WDR72: variants seen among roughly 807,000 people sequenced by gnomAD.
WDR72 encodes WD repeat-containing protein 72.
WDR72 carries 120 observed loss-of-function variants against 124.2 expected under a neutral mutation model. That is an observed-to-expected ratio of 0.97 (90% CI 0.83 to 1.12). WDR72 has a LOEUF of 1.12. Ranked by LOEUF, WDR72 falls within the 50% of genes most tolerant of loss-of-function variation. WDR72 has a pLI of 0.00. For missense variants in WDR72, 1,387 were observed against 1,278.8 expected (o/e 1.08, Z -1.29); for synonymous variants, 452 against 441.7 (o/e 1.02, Z -0.29).
chr15:53,556,524 A>C (rs1032089719), intron 18 of WDR72, among the ~76,000 whole-genome samples: 1 of 152,126 alleles, frequency 6.6e-6, no homozygotes, highest in Non-Finnish European at 1.5e-5. Flanking sequence ...TGTCACCCAT[A>C]TCACCCAAAT....
At chr15:53,573,713 T>A (rs1162302353) in intron 18 of WDR72, among the ~76,000 whole-genome samples, 1 of 152,150 alleles carries the variant, frequency 6.6e-6, no homozygotes, top group East Asian at 1.9e-4. Flanking sequence ...ACCTAGCTAA[T>A]TTTTGTATTT....
At chr15:53,596,873 C>G (rs2140339152) in intron 18 of WDR72, among the ~76,000 whole-genome samples, 1 of 152,258 alleles carries the variant, frequency 6.6e-6, no homozygotes, top group South Asian at 2.1e-4. Context: ...GGTGTTACTT[C>G]TGGATAAACC....
At chr15:53,575,095 T>C (rs1894702141) in intron 18 of WDR72, among the ~76,000 whole-genome samples, 1 of 152,094 alleles carries the variant, frequency 6.6e-6, no homozygotes, top group African/African-American at 2.4e-5. Context: ...GCATATATTA[T>C]GTGTTTTGAT....
intron 14 of WDR72, among the ~76,000 whole-genome samples, chr15:53,660,245 A>G (rs2015564800): frequency 6.6e-6 from 1 of 152,092 alleles, no homozygotes; most frequent in African/African-American, 2.4e-5. Context: ...CAAGTTTAAT[A>G]TTAAAATAAA....
chr15:53,642,340 C>T (rs1259657031), intron 14 of WDR72, among the ~76,000 whole-genome samples: 1 of 151,686 alleles, frequency 6.6e-6, no homozygotes, highest in Admixed American at 6.6e-5. Context: ...TGTACTGATA[C>T]TGAAAGATGT....
At chr15:53,685,099 C>A (rs1290599980) in intron 13 of WDR72, among the ~76,000 whole-genome samples, 1 of 151,658 alleles carries the variant, frequency 6.6e-6, no homozygotes, top group Non-Finnish European at 1.5e-5. Context: ...GATAAAACCA[C>A]AAAGATGGAG....
intron 19 of WDR72, among the ~76,000 whole-genome samples, chr15:53,518,465 A>T (rs1891588338): frequency 6.6e-6 from 1 of 152,072 alleles, no homozygotes; most frequent in Admixed American, 6.6e-5. Flanking sequence ...TCTTTAAAAA[A>T]TATGTTGATG....
At chr15:53,617,864 T>C (rs554129355) in intron 14 of WDR72, among the ~76,000 whole-genome samples, 2 of 152,108 alleles carry the variant, frequency 1.3e-5, no homozygotes, top group African/African-American at 4.8e-5. Flanking sequence ...GGTTTAAGGA[T>C]ACCTTCATAA....
rs1184375343 is a variant in WDR72, at chr15:53,516,255, T to G, written c.*1444A>C. The G allele has an allele frequency of 6.6e-6, 1 of 152,144 alleles. No individual in the cohort carries two copies. Among genetic ancestry groups the G allele is most frequent in the Admixed American group, 6.6e-5 (1 of 15,264 alleles). The allele number at this position is 152,144 out of a possible 1,614,324, so 9.4% of individuals were successfully genotyped here. A position where few individuals can be genotyped will look rare whatever the true frequency, so the allele number is the denominator to read the frequency against. On this transcript the variant is annotated 3_prime_UTR_variant, in exon 20 of 20. Transcript: ENST00000360509. ...ACAAAGAATGCACACTTTAATCTAC[T>G]TTAAGGGAGTCACACTCATTTGACA...
intron 1 of WDR72, among the ~76,000 whole-genome samples, chr15:53,743,278 T>C (rs746065144): frequency 7.2e-5 from 11 of 152,118 alleles, no homozygotes; most frequent in Admixed American, 5.9e-4. Context: ...GTTTAATTTA[T>C]AGAGTTTAAT....
chr15:53,734,115 A>G lies in WDR72; in HGVS notation c.-12-954T>C, dbSNP rs74984080. On this transcript the variant is annotated intron_variant, in intron 1 of 19. Coordinates refer to ENST00000360509, the MANE Select transcript of WDR72 (RefSeq NM_182758.4). Reference sequence around the variant, plus strand: ...ATACCAATATAAATTTTTAAAACTTATGATACATGTTATTTCTAATGTTCA... The same window carrying G: ...ATACCAATATAAATTTTTAAAACTTGTGATACATGTTATTTCTAATGTTCA... Among the ~76,000 whole-genome samples the G allele has an allele frequency of 2.4e-3, 361 of 152,284 alleles. 1 individual carries two copies. The highest frequency in any genetic ancestry group is 8.5e-3 in the African/African-American group (355 of 41,572).
chr15:53,672,312 T>TTA (rs35307524), intron 13 of WDR72, among the ~76,000 whole-genome samples: 2 of 136,470 alleles, frequency 1.5e-5, no homozygotes, highest in African/African-American at 5.4e-5. Context: ...AAATGCCGAT[T>TTA]AAAAAAAAAA....
intron 18 of WDR72, among the ~76,000 whole-genome samples, chr15:53,565,589 A>G (rs928407523): frequency 1.3e-5 from 2 of 152,074 alleles, no homozygotes; most frequent in South Asian, 2.1e-4. Flanking sequence ...TATTGAGCAC[A>G]TCTCCTACTT....
At chr15:53,736,517 C>T (rs2018358791) in intron 1 of WDR72, among the ~76,000 whole-genome samples, 2 of 152,242 alleles carry the variant, frequency 1.3e-5, no homozygotes, top group East Asian at 1.9e-4. Context: ...AGTGGCCCTG[C>T]TGTGAGGGGC....
chr15:53,706,346 GTGTGTATATATA>G (rs1481617904), intron 9 of WDR72, among the ~76,000 whole-genome samples: 44 of 98,072 alleles, frequency 4.5e-4, no homozygotes, highest in Admixed American at 8.3e-4. Flanking sequence ...GTGTGTGTGT[GTGTGTATATATA>G]TATATATATA....
chr15:53,759,854 C>G (rs1283353586), upstream of WDR72, among the ~76,000 whole-genome samples: 1 of 151,966 alleles, frequency 6.6e-6, no homozygotes, highest in East Asian at 1.9e-4. Flanking sequence ...CCCTCCCTCC[C>G]TCCTTCTCTC....
rs141529685 is a variant in WDR72 at position 53,619,141 on chromosome 15, C to A, written c.1963-2898G>T. Among the ~76,000 whole-genome samples the A allele has an allele frequency of 9.9e-5, 15 of 151,824 alleles. No homozygotes were observed. The East Asian group carries it at 2.1e-3, about 22-fold the overall frequency. On this transcript the variant is annotated intron_variant, in intron 14 of 19. Transcript: ENST00000360509. ...TTCTTACTCATATTTTAAAATAATTCTTTTATTTTTAAACCTACTTATTAT... is the reference window on the plus strand; with the variant it reads ...TTCTTACTCATATTTTAAAATAATTATTTTATTTTTAAACCTACTTATTAT...
At chr15:53,623,960 G>A (rs2014108889) in intron 14 of WDR72, among the ~76,000 whole-genome samples, 1 of 152,112 alleles carries the variant, frequency 6.6e-6, no homozygotes, top group Non-Finnish European at 1.5e-5. Context: ...CTTTTCATAT[G>A]TTTCTTGGCC....
rs147500127 is a variant in WDR72, at chr15:53,631,093, C to T, written c.1963-14850G>A. 4.0e-3 allele frequency among the ~76,000 whole-genome samples: 611 copies of T among 152,230 alleles called. 2 individuals are homozygous for T. The highest frequency in any genetic ancestry group is 0.014 in the African/African-American group (585 of 41,528). On this transcript the variant is annotated intron_variant, in intron 14 of 19. Transcript: ENST00000360509. ...CCCAAATCTCATGTTGAAGTATAATCCCCAATGCTGGAGGTGGTGCCTGGT... is the reference window on the plus strand; with the variant it reads ...CCCAAATCTCATGTTGAAGTATAATTCCCAATGCTGGAGGTGGTGCCTGGT...
Sources: allele counts gnomAD v4.1 joint callset (sites outside exome capture counted in the v4.1 genomes callset), GRCh38; gene constraint gnomAD v4.1.1; transcripts MANE v1.5; gene names NCBI Gene and HGNC (gene_info 2026-07-23, HGNC 2026-07-21).